Variants in SORCS2 observed in about 807,000 individuals in gnomAD.
The protein encoded by SORCS2 is VPS10 domain-containing receptor SorCS2.
A neutral mutation model predicts 141.6 loss-of-function variants in SORCS2; 100 were observed. The ratio of observed to expected loss-of-function variants is 0.71; its 90% confidence interval spans 0.60 to 0.83. The LOEUF is 0.83. Ranked by LOEUF, SORCS2 falls within the 40% of genes least tolerant of loss-of-function variation. The probability of loss-of-function intolerance (pLI) is 0.00; values close to 1 mark genes in which losing one functional copy is unlikely to be tolerated. For synonymous variants in SORCS2, 789 were observed against 676.9 expected (o/e 1.17, Z -2.57); for missense variants, 1,646 against 1,560.2 (o/e 1.05, Z -0.93).
At chr4:7,478,210 G>A (rs112974769) in intron 2 of SORCS2, among the ~76,000 whole-genome samples, 10 of 152,284 alleles carry the variant, frequency 6.6e-5, no homozygotes, top group African/African-American at 2.4e-4. Flanking sequence ...CAGTGAGTAT[G>A]CAGTGATGTG....
intron 2 of SORCS2, among the ~76,000 whole-genome samples, chr4:7,418,404 A>G (rs73796560): frequency 0.029 from 4,459 of 152,216 alleles, 213 homozygotes; most frequent in African/African-American, 0.1. Flanking sequence ...AGACTTCAGG[A>G]TGAATCTAAG....
At position 7,407,415 on chromosome 4, in the gene SORCS2, C is replaced by G. The variant is rs111652826; in HGVS notation, c.548+11060C>G. Among the ~76,000 whole-genome samples, 321 of 152,226 alleles carry G rather than the reference C, an allele frequency of 2.1e-3. 2 individuals are homozygous for G. The highest frequency in any genetic ancestry group is 7.3e-3 in the African/African-American group (302 of 41,560). The stretch of plus-strand genomic sequence containing the variant: ...TTATATCCTCATGGTGCATTGACCC[C>G]TTTATCATTATATAGTGACCTGCTT... On this transcript the variant is annotated intron_variant, in intron 2 of 26. Coordinates refer to ENST00000507866, the MANE Select transcript of SORCS2 (RefSeq NM_020777.3).
intron 2 of SORCS2, among the ~76,000 whole-genome samples, chr4:7,485,150 G>A (rs534463121): frequency 2.6e-5 from 4 of 152,216 alleles, no homozygotes; most frequent in South Asian, 2.1e-4. Flanking sequence ...TCCCACTTTC[G>A]TTTGCTCACC....
chr4:7,398,605 C>A (rs1265845618), intron 2 of SORCS2, among the ~76,000 whole-genome samples: 2 of 152,198 alleles, frequency 1.3e-5, no homozygotes, highest in African/African-American at 4.8e-5. Context: ...CAATTACTTT[C>A]TTTGTTTATA....
chr4:7,634,380 A>G (rs1026377505), intron 3 of SORCS2, among the ~76,000 whole-genome samples: 5 of 152,068 alleles, frequency 3.3e-5, no homozygotes, highest in African/African-American at 1.2e-4. Context: ...TCAAAAAAAA[A>G]AAAAAGAACC....
Position 7,680,094 on chromosome 4 carries a change from T to G in SORCS2, c.1342-2649T>G, listed in dbSNP as rs1192692548. 2.0e-5 allele frequency among the ~76,000 whole-genome samples: 3 copies of G among 152,334 alleles called. No individual in the cohort carries two copies. The East Asian group carries it at 5.8e-4, about 29-fold the overall frequency. ...CCCATCCTGCCTGCCTTGTCAGGGT[T>G]CTATGAGCTTGTAAGACACAAAGAC... On this transcript the variant is annotated intron_variant, in intron 9 of 26. Transcript: ENST00000507866.
chr4:7,690,142 C>T (rs1054776806), intron 11 of SORCS2, among the ~76,000 whole-genome samples: 2 of 110,880 alleles, frequency 1.8e-5, no homozygotes, highest in South Asian at 3.5e-4. Flanking sequence ...GTGGTGGATA[C>T]GTGGATGGGT....
At chr4:7,729,104 C>T (rs774830233) in intron 22 of SORCS2, among the ~76,000 whole-genome samples, 2 of 152,174 alleles carry the variant, frequency 1.3e-5, no homozygotes, top group African/African-American at 4.8e-5. Flanking sequence ...GGCAGAGGCA[C>T]CTACATGAGC....
At chr4:7,600,269 AC>A (rs1717571899) in intron 3 of SORCS2, among the ~76,000 whole-genome samples, 1 of 152,136 alleles carries the variant, frequency 6.6e-6, no homozygotes, top group South Asian at 2.1e-4. Context: ...CATTTATCTT[AC>A]CATGCTGGAG....
intron 1 of SORCS2, among the ~76,000 whole-genome samples, chr4:7,285,741 G>A (rs1716175449): frequency 6.6e-6 from 1 of 152,248 alleles, no homozygotes; most frequent in African/African-American, 2.4e-5. Flanking sequence ...AGCTTCCGGA[G>A]CATGCTGGGC....
At chr4:7,354,173 G>C (rs1338975408) in intron 1 of SORCS2, among the ~76,000 whole-genome samples, 2 of 152,146 alleles carry the variant, frequency 1.3e-5, no homozygotes, top group East Asian at 3.9e-4. Flanking sequence ...AGAGTCCCTG[G>C]TTTCTGCTTA....
intron 3 of SORCS2, among the ~76,000 whole-genome samples, chr4:7,578,460 G>C (rs897044207): frequency 6.6e-6 from 1 of 152,214 alleles, no homozygotes; most frequent in African/African-American, 2.4e-5. Flanking sequence ...CCTGCCAGCA[G>C]CTCTTGTCTG....
intron 8 of SORCS2, 85 bp downstream of exon 8, chr4:7,667,298 T>C: frequency 7.9e-7 from 1 of 1,261,360 alleles, no homozygotes; most frequent in Non-Finnish European, 1.2e-6. Context: ...CACACACAGG[T>C]GCTTGGCGGT....
At chr4:7,735,857 C>T (rs893483366) in intron 25 of SORCS2, among the ~76,000 whole-genome samples, 2 of 152,226 alleles carry the variant, frequency 1.3e-5, no homozygotes, top group Admixed American at 1.3e-4. Context: ...CCCATGGCCA[C>T]TGCAACTGGG....
rs902858065 is a variant in SORCS2 at position 7,597,962 on chromosome 4, CTT to C, written c.649-40343_649-40342del. Among the ~76,000 whole-genome samples, 795 of 91,494 alleles carry C rather than the reference CTT, an allele frequency of 8.7e-3. 10 individuals carry two copies. The highest frequency in any genetic ancestry group is 0.03 in the African/African-American group (715 of 23,666). 60.0% of individuals were successfully genotyped at this position (91,494 alleles called of 152,430 possible). ...CAGTGGGGATGACAGTTCAGCTAATCTTTTTTTTTTTTTTTTTTTTTTTTAAT... is the reference window on the plus strand; with the variant it reads ...CAGTGGGGATGACAGTTCAGCTAATCTTTTTTTTTTTTTTTTTTTTTTAAT... On this transcript the variant is annotated intron_variant, in intron 3 of 26. Coordinates refer to ENST00000507866, the MANE Select transcript of SORCS2 (RefSeq NM_020777.3).
At chr4:7,453,741 T>A (rs1165738123) in intron 2 of SORCS2, among the ~76,000 whole-genome samples, 1 of 134,864 alleles carries the variant, frequency 7.4e-6, no homozygotes, top group Admixed American at 7.2e-5. Flanking sequence ...AGGAGCTGTG[T>A]GTTGGGGTCA....
At position 7,452,057 on chromosome 4, in the gene SORCS2, C is replaced by T. The variant is rs191177127; in HGVS notation, c.548+55702C>T. Among the ~76,000 whole-genome samples the T allele has an allele frequency of 6.9e-4, 105 of 152,310 alleles. No homozygotes were observed. In the Middle Eastern group the frequency reaches 0.014, roughly 20 times the overall value. On this transcript the variant is annotated intron_variant, in intron 2 of 26. Transcript: ENST00000507866. ...TCCTCCTGCTCTGCACAGCCTTCCC[C>T]TCACCACCATGAATGTTCCTCCTTG...
At chr4:7,498,915 G>T (rs4388088) in intron 2 of SORCS2, among the ~76,000 whole-genome samples, 245 of 152,154 alleles carry the variant, frequency 1.6e-3, no homozygotes, top group South Asian at 4.6e-3. Context: ...CAAGCTGAGC[G>T]TGGAGTGGCT....
rs558857008 is a variant in SORCS2, at chr4:7,613,037, G to A, written c.649-25291G>A. ...CCCCTCTCTCTCCACCTCTTTCTGC[G>A]GGGAGGAGCCACAGGCTCTGCCTAC... On this transcript the variant is annotated intron_variant, in intron 3 of 26. Transcript: ENST00000507866. Among the ~76,000 whole-genome samples the A allele has an allele frequency of 7.2e-5, 11 of 152,356 alleles. 1 individual carries two copies. Among genetic ancestry groups the A allele is most frequent in the Admixed American group, 3.3e-4 (5 of 15,308 alleles).
Sources: allele counts gnomAD v4.1 joint callset (sites outside exome capture counted in the v4.1 genomes callset), GRCh38; gene constraint gnomAD v4.1.1; transcripts MANE v1.5; gene names NCBI Gene and HGNC (gene_info 2026-07-23, HGNC 2026-07-21).